Variants in PEAK1 observed in about 807,000 individuals in gnomAD.
PEAK1 encodes the protein pseudopodium enriched atypical kinase 1.
In PEAK1, 54 loss-of-function variants were observed where a neutral mutation model predicts 124.7. The observed-to-expected ratio is 0.43, with a 90% CI of 0.35 to 0.54. The LOEUF is 0.54. PEAK1 is among the 20% of genes least tolerant of loss of function. The pLI is 0.01. For missense variants in PEAK1, 2,046 were observed against 2,134.5 expected (o/e 0.96, Z 0.82); for synonymous variants, 719 against 760.0 (o/e 0.95, Z 0.89).
chr15:77,385,500 T>C (rs1047728406), intron 1 of PEAK1, among the ~76,000 whole-genome samples: 2 of 152,188 alleles, frequency 1.3e-5, no homozygotes, highest in Non-Finnish European at 2.9e-5. Context: ...GGTTGTTAAC[T>C]TCATTGTAAT....
chr15:77,418,157 A>C (rs1259552360), intron 1 of PEAK1: 1 of 984,568 alleles, frequency 1.0e-6, no homozygotes, highest in African/African-American at 1.7e-5. Flanking sequence ...CAACTGGATA[A>C]AACGAATAGT....
At position 77,285,637 on chromosome 15, in the gene PEAK1, G is replaced by A. The variant is rs1037284227; in HGVS notation, c.-520-582C>T. Among the ~76,000 whole-genome samples, 10 of 152,138 alleles carry A rather than the reference G, an allele frequency of 6.6e-5. 1 individual carries two copies. Among genetic ancestry groups the A allele is most frequent in the Admixed American group, 4.6e-4 (7 of 15,270 alleles). On this transcript the variant is annotated intron_variant, in intron 3 of 9. Coordinates refer to ENST00000682557, the MANE Select transcript of PEAK1 (RefSeq NM_001385026.1). ...CTCACAAAACTTTCCATGTTAAAAT[G>A]AGATTGCTATCTAGCTGTTTATAAT... is the stretch of plus-strand genomic sequence containing the variant.
At chr15:77,248,412 T>C (rs2060693604) in intron 6 of PEAK1, among the ~76,000 whole-genome samples, 1 of 152,240 alleles carries the variant, frequency 6.6e-6, no homozygotes, top group South Asian at 2.1e-4. Context: ...AATATTTGTG[T>C]CCTCCTCAAA....
At chr15:77,338,615 A>G (rs1567277974) in intron 2 of PEAK1, among the ~76,000 whole-genome samples, 1 of 126,276 alleles carries the variant, frequency 7.9e-6, no homozygotes, top group South Asian at 2.9e-4. Flanking sequence ...TAAAAAACAT[A>G]CACCACATGA....
intron 6 of PEAK1, among the ~76,000 whole-genome samples, chr15:77,236,162 G>A (rs2060112813): frequency 6.6e-6 from 1 of 152,156 alleles, no homozygotes; most frequent in Non-Finnish European, 1.5e-5. Context: ...GTGAGAAGAG[G>A]GCCACCATCC....
intron 1 of PEAK1, among the ~76,000 whole-genome samples, chr15:77,387,520 CCTAA>C (rs2070055757): frequency 6.6e-6 from 1 of 152,140 alleles, no homozygotes; most frequent in Non-Finnish European, 1.5e-5. Context: ...TTATGACAAC[CCTAA>C]CTAATGTGTA....
chr15:77,112,096 G>A lies in PEAK1; in HGVS notation c.*2060C>T, dbSNP rs2051009470. On this transcript the variant is annotated 3_prime_UTR_variant, in exon 10 of 10. Transcript: ENST00000682557. ...CCTGCAGCAGCATGCCCACTCCATG[G>A]CCATTCCTAGGAGCAGAGCCCTGCA... is the stretch of plus-strand genomic sequence containing the variant. 6.6e-6 allele frequency: 1 copy of A among 152,214 alleles called. No individual in the cohort carries two copies. The highest frequency in any genetic ancestry group is 2.4e-5 in the African/African-American group (1 of 41,438). The allele number at this position is 152,214 out of a possible 1,614,324, so 9.4% of individuals were successfully genotyped here.
intron 2 of PEAK1, among the ~76,000 whole-genome samples, chr15:77,354,467 A>AC (rs2067386097): frequency 6.6e-6 from 1 of 152,138 alleles, no homozygotes. Flanking sequence ...TACTCTTGAA[A>AC]CCATCTTCTT....
At chr15:77,153,332 G>A (rs2054828262) in intron 8 of PEAK1, among the ~76,000 whole-genome samples, 1 of 152,120 alleles carries the variant, frequency 6.6e-6, no homozygotes, top group Non-Finnish European at 1.5e-5. Context: ...GATCGGTGGT[G>A]ATATCCCCTT....
At chr15:77,238,730 A>G (rs999202006) in intron 6 of PEAK1, among the ~76,000 whole-genome samples, 4 of 152,078 alleles carry the variant, frequency 2.6e-5, no homozygotes, top group Non-Finnish European at 5.9e-5. Context: ...GGGGTTTCCT[A>G]TCTGTTCTGG....
At chr15:77,402,562 C>G in intron 1 of PEAK1, 3 of 975,526 alleles carry the variant, frequency 3.1e-6, no homozygotes, top group Non-Finnish European at 3.7e-6. Context: ...ATCTGATTAT[C>G]TTTCTGTCAT....
At chr15:77,389,452 G>A (rs1203226876) in intron 1 of PEAK1, among the ~76,000 whole-genome samples, 1 of 152,168 alleles carries the variant, frequency 6.6e-6, no homozygotes, top group African/African-American at 2.4e-5. Flanking sequence ...GCAAATGGGA[G>A]ATAATACCAT....
chr15:77,185,396 A>G (rs2057491489), intron 6 of PEAK1, among the ~76,000 whole-genome samples: 1 of 152,216 alleles, frequency 6.6e-6, no homozygotes. Context: ...TGAACCAGGG[A>G]GAAGGGGCTA....
At chr15:77,183,632 A>T (rs1184256238) in intron 6 of PEAK1, among the ~76,000 whole-genome samples, 1 of 151,984 alleles carries the variant, frequency 6.6e-6, no homozygotes, top group African/African-American at 2.4e-5. Flanking sequence ...GCCTTTTATC[A>T]AAAACATTTG....
chr15:77,380,922 G>A (rs1374218644), intron 1 of PEAK1, among the ~76,000 whole-genome samples: 2 of 152,280 alleles, frequency 1.3e-5, no homozygotes, highest in African/African-American at 4.8e-5. Context: ...TCTTTTAGGA[G>A]GGACTTATTT....
intron 1 of PEAK1, among the ~76,000 whole-genome samples, chr15:77,389,071 T>C (rs2141896719): frequency 6.6e-6 from 1 of 151,100 alleles, no homozygotes; most frequent in Non-Finnish European, 1.5e-5. Context: ...TAAACGATCC[T>C]CCCACCTCAG....
At chr15:77,168,061 A>G (rs958195209) in intron 7 of PEAK1, among the ~76,000 whole-genome samples, 2 of 152,128 alleles carry the variant, frequency 1.3e-5, no homozygotes, top group South Asian at 2.1e-4. Flanking sequence ...TACAAAGGAC[A>G]TGAACTCAAG....
chr15:77,268,371 G>A (rs2061850494), intron 5 of PEAK1, among the ~76,000 whole-genome samples: 1 of 152,026 alleles, frequency 6.6e-6, no homozygotes, highest in South Asian at 2.1e-4. Flanking sequence ...CTACGCAGAA[G>A]GCTGAGGTAG....
intron 9 of PEAK1, among the ~76,000 whole-genome samples, chr15:77,123,776 TTTATG>T (rs1406682180): frequency 6.6e-6 from 1 of 152,130 alleles, no homozygotes; most frequent in Non-Finnish European, 1.5e-5. Flanking sequence ...CAGGCTTAAG[TTTATG>T]TTAAGTTTTA....
Sources: gnomAD v4.1 joint callset for allele counts (sites outside exome capture counted in the v4.1 genomes callset) on GRCh38, gnomAD v4.1.1 for gene constraint, MANE v1.5 for transcripts, NCBI Gene and HGNC (gene_info 2026-07-23, HGNC 2026-07-21) for gene names.